DNAH7: variants seen among roughly 807,000 people sequenced by gnomAD.
DNAH7 encodes dynein axonemal heavy chain 7, also known as axonemal beta dynein heavy chain 7.
In DNAH7, 397 loss-of-function variants were observed where a neutral mutation model predicts 444.6. That is an observed-to-expected ratio of 0.89 (90% CI 0.82 to 0.97). DNAH7 has a LOEUF of 0.97. DNAH7 is among the 50% of genes least tolerant of loss of function. The pLI is 0.00. For synonymous variants in DNAH7, 1,636 were observed against 1,624.4 expected (o/e 1.01, Z -0.17); for missense variants, 4,902 against 4,800.8 (o/e 1.02, Z -0.62).
At chr2:195,934,541 C>T (rs1688918403) in intron 21 of DNAH7, 50 bp downstream of exon 21, 2 of 1,532,604 alleles carry the variant, frequency 1.3e-6, no homozygotes, top group East Asian at 2.3e-5. Flanking sequence ...TTTCTAATAA[C>T]ATTCATATTC....
At chr2:196,051,277 A>G (rs1697450090) in intron 2 of DNAH7, 28 bp from the exon 3 acceptor site, 2 of 1,592,460 alleles carry the variant, frequency 1.3e-6, no homozygotes, top group Non-Finnish European at 1.7e-6. Context: ...AGGGGAAAAA[A>G]GTGTTTACTC....
chr2:195,757,004 A>T (rs1338991246), intron 61 of DNAH7, among the ~76,000 whole-genome samples: 1 of 151,866 alleles, frequency 6.6e-6, no homozygotes, highest in African/African-American at 2.4e-5. Context: ...AAAAAAAAAA[A>T]AGTTGTAGAG....
intron 48 of DNAH7, among the ~76,000 whole-genome samples, chr2:195,829,634 T>C (rs142919635): frequency 0.014 from 2,057 of 152,186 alleles, 50 homozygotes; most frequent in African/African-American, 0.046. Flanking sequence ...AAATCTGATA[T>C]TTAATGTTGG....
chr2:195,908,091 A>T (rs1283993697), intron 25 of DNAH7, among the ~76,000 whole-genome samples: 1 of 151,940 alleles, frequency 6.6e-6, no homozygotes, highest in Non-Finnish European at 1.5e-5. Context: ...GACTCTAAAT[A>T]AAAGAATGAA....
At chr2:196,068,188 T>C (rs1698534082) in intron 1 of DNAH7, among the ~76,000 whole-genome samples, 1 of 152,238 alleles carries the variant, frequency 6.6e-6, no homozygotes. Flanking sequence ...TGTATAGTTA[T>C]GGTATGGCAT....
At chr2:195,951,293 T>C (rs1038635050) in intron 19 of DNAH7, among the ~76,000 whole-genome samples, 2 of 152,326 alleles carry the variant, frequency 1.3e-5, no homozygotes, top group Middle Eastern at 6.8e-3. Context: ...GATTGCACCA[T>C]GGTCTGAGAG....
chr2:195,899,622 G>A (rs1686570286), intron 28 of DNAH7, among the ~76,000 whole-genome samples: 2 of 152,154 alleles, frequency 1.3e-5, no homozygotes, highest in Middle Eastern at 3.4e-3. Flanking sequence ...AATCACATAG[G>A]ATATAATTTA....
At chr2:195,794,625 G>T in intron 56 of DNAH7, 87 bp from the exon 57 acceptor site, 1 of 1,256,128 alleles carries the variant, frequency 8.0e-7, no homozygotes, top group Non-Finnish European at 1.1e-6. Context: ...AGTTGGAAGG[G>T]GGAGGAAGTA....
chr2:196,066,412 C>T (rs1698433219), intron 1 of DNAH7, among the ~76,000 whole-genome samples: 1 of 152,162 alleles, frequency 6.6e-6, no homozygotes, highest in Non-Finnish European at 1.5e-5. Context: ...ATGAGCATCA[C>T]ATCATATAAA....
chr2:195,994,819 A>C (rs999449339), intron 12 of DNAH7: 7 of 444,578 alleles, frequency 1.6e-5, no homozygotes, highest in South Asian at 1.4e-4. Context: ...GCTTTGGATC[A>C]GTTCATCTAA....
chr2:196,003,277 T>C (rs1694159725), intron 10 of DNAH7, among the ~76,000 whole-genome samples: 1 of 151,868 alleles, frequency 6.6e-6, no homozygotes, highest in Non-Finnish European at 1.5e-5. Context: ...ATCATTTCAG[T>C]GTCTAAAATA....
intron 51 of DNAH7, among the ~76,000 whole-genome samples, chr2:195,815,388 C>A (rs1014473276): frequency 6.6e-6 from 1 of 152,036 alleles, no homozygotes; most frequent in Admixed American, 6.6e-5. Context: ...CGGACTCACA[C>A]CTTTATTAGT....
chr2:195,990,173 G>T (rs545837167), intron 12 of DNAH7, among the ~76,000 whole-genome samples: 1 of 152,250 alleles, frequency 6.6e-6, no homozygotes, highest in African/African-American at 2.4e-5. Context: ...TAAAGCATTT[G>T]CCCTATATTT....
At chr2:195,984,604 A>G (rs1574949189) in intron 15 of DNAH7, 28 bp downstream of exon 15, 1 of 1,583,828 alleles carries the variant, frequency 6.3e-7, no homozygotes, top group Non-Finnish European at 8.7e-7. Context: ...TGATACACAC[A>G]CAATTATGGA....
intron 63 of DNAH7, among the ~76,000 whole-genome samples, chr2:195,747,730 A>T (rs1693515062): frequency 6.6e-6 from 1 of 152,254 alleles, no homozygotes; most frequent in African/African-American, 2.4e-5. Context: ...ACCAAAGACA[A>T]AAACCACATG....
chr2:195,795,812 CATTCTA>C (rs1696104626), intron 56 of DNAH7: 1 of 152,240 alleles, frequency 6.6e-6, no homozygotes, highest in Non-Finnish European at 1.5e-5. Context: ...ATGATGCTTA[CATTCTA>C]GTGGGAGACA....
At chr2:196,058,190 A>C in intron 1 of DNAH7, 74 bp from the exon 2 acceptor site, 1 of 1,235,308 alleles carries the variant, frequency 8.1e-7, no homozygotes, top group South Asian at 1.6e-5. Flanking sequence ...ACCAAATTTT[A>C]CAGTGTTTAT....
At chr2:195,888,214 G>A (rs1323935968) in intron 33 of DNAH7, 44 bp downstream of exon 33, 1 of 1,501,796 alleles carries the variant, frequency 6.7e-7, no homozygotes. Flanking sequence ...TCTAATTTGA[G>A]TTTTCCATTT....
In DNAH7 at chr2:195,754,506, A is replaced by G. The variant is rs376431957; in HGVS notation, c.11595T>C (p.Tyr3865=). 49 of 1,613,916 alleles carry G rather than the reference A, an allele frequency of 3.0e-5. No homozygotes were observed. In the African/African-American group the frequency reaches 5.9e-4, roughly 19 times the overall value. ...AGAAGACTGGAGGAGGACCAACCTC[A>G]TACCATTGCTAGGGTGTAAAACACA... The part of the protein sequence containing the change: ...LARLKFLQQW[Y]EVGPPPVFWL... Residue 3865 remains tyrosine (Y), a synonymous_variant, in exon 63 of 65, where the codon TAT becomes TAC. Transcript: ENST00000312428.
Sources: allele counts gnomAD v4.1 joint callset (sites outside exome capture counted in the v4.1 genomes callset), GRCh38; gene constraint gnomAD v4.1.1; transcripts MANE v1.5; gene names NCBI Gene and HGNC (gene_info 2026-07-23, HGNC 2026-07-21).